ATP8B3: variants seen among roughly 807,000 people sequenced by gnomAD.
ATP8B3 encodes the protein phospholipid-transporting ATPase IK.
In ATP8B3, 141 loss-of-function variants were observed where a neutral mutation model predicts 140.9. That is an observed-to-expected ratio of 1.00 (90% CI 0.87 to 1.15). The LOEUF is 1.15. ATP8B3 is among the 50% of genes most tolerant of loss of function. ATP8B3 has a pLI of 0.00. For synonymous variants in ATP8B3, 765 were observed against 714.6 expected (o/e 1.07, Z -1.13); for missense variants, 1,874 against 1,740.6 (o/e 1.08, Z -1.36).
rs376570521 is a variant in ATP8B3, at chr19:1,800,299, T to C, written c.1303A>G (p.Ile435Val). Residue 435 changes from isoleucine (I) to valine (V), a missense_variant, in exon 13 of 29, where the codon ATC (isoleucine) becomes GTC (valine). By Grantham distance (29) the Ile-to-Val change is conservative (BLOSUM62 3). Around this residue, in one of 3 missense-constraint regions of ATP8B3, gnomAD observed 1,032 missense variants for 963.6 expected, o/e 1.07. Transcript: ENST00000310127. The surrounding 1 kb of genome is among the most constrained non-coding windows in gnomAD (Gnocchi z 4.4). ...ESFFVFWSFL[I>V]LLSVTIPMSM... ...ATCGGGATGGTGACGCTGAGCAGGATGAGGAAGCTCCAGAAGACGAAGAAG... is the reference window on the plus strand; with the variant it reads ...ATCGGGATGGTGACGCTGAGCAGGACGAGGAAGCTCCAGAAGACGAAGAAG... 2.5e-6 allele frequency: 4 copies of C among 1,612,552 alleles called. No individual in the cohort carries two copies. The highest frequency in any genetic ancestry group is 3.4e-6 in the Non-Finnish European group (4 of 1,179,806).
intron 25 of ATP8B3, among the ~76,000 whole-genome samples, chr19:1,785,924 A>G (rs887880936): frequency 6.6e-6 from 1 of 151,820 alleles, no homozygotes; most frequent in African/African-American, 2.4e-5. Context: ...TAAGGCCAGG[A>G]GTTTGAGACC....
intron 2 of ATP8B3, 22 bp from the exon 3 acceptor site, chr19:1,810,705 GGTCACAGCAGTGACCCCA>G: frequency 6.2e-7 from 1 of 1,607,954 alleles, no homozygotes; most frequent in Non-Finnish European, 8.5e-7. Context: ...AAGGGCCCCG[GGTCACAGCAGTGACCCCA>G]GCCCTTGCTG....
intron 12 of ATP8B3, 71 bp downstream of exon 12, chr19:1,801,885 C>T: frequency 8.3e-7 from 1 of 1,206,734 alleles, no homozygotes; most frequent in Non-Finnish European, 1.2e-6. Context: ...GAAACTGAGG[C>T]CTGGAAGATG....
chr19:1,788,576 G>T (rs532870537), intron 24 of ATP8B3, among the ~76,000 whole-genome samples: 1 of 152,314 alleles, frequency 6.6e-6, no homozygotes, highest in East Asian at 1.9e-4. Flanking sequence ...CTTGAACCCG[G>T]GAGGCGGAGG....
At chr19:1,792,654 G>A (rs2068550862) in intron 18 of ATP8B3, among the ~76,000 whole-genome samples, 2 of 151,200 alleles carry the variant, frequency 1.3e-5, no homozygotes, top group Admixed American at 6.6e-5. Flanking sequence ...GCTCACACCT[G>A]TAATCCCAGC....
At chr19:1,786,768 G>A (rs1176901675) in intron 25 of ATP8B3, among the ~76,000 whole-genome samples, 3 of 151,854 alleles carry the variant, frequency 2.0e-5, no homozygotes, top group Non-Finnish European at 2.9e-5. Flanking sequence ...ACGTAGCCAG[G>A]GCCTCTTGGA....
rs1568659348 is a variant in ATP8B3 at position 1,806,774 on chromosome 19, G to A, written c.616-85C>T. 3.5e-6 allele frequency: 5 copies of A among 1,424,796 alleles called. No individual in the cohort carries two copies. The African/African-American group carries it at 5.7e-5, about 16-fold the overall frequency. 88.3% of individuals were successfully genotyped at this position (1,424,796 alleles called of 1,614,324 possible). A position where few individuals can be genotyped will look rare whatever the true frequency, so the allele number is the denominator to read the frequency against. On this transcript the variant is annotated intron_variant, in intron 6 of 28. Coordinates refer to ENST00000310127, the MANE Select transcript of ATP8B3 (RefSeq NM_138813.4). This position sits in a 1 kb window ranked among gnomAD's most constrained non-coding sequence, Gnocchi z 5.6. ...CGCTGCCGCACTGCAGCCCAGCAGTGCCCGCCCGCAACACGGGGTCCCTGT... is the reference window on the plus strand; with the variant it reads ...CGCTGCCGCACTGCAGCCCAGCAGTACCCGCCCGCAACACGGGGTCCCTGT...
In ATP8B3 at chr19:1,784,959, C is replaced by T. The variant is rs371471335; in HGVS notation, c.3533-13G>A. The T allele has an allele frequency of 3.3e-5, 53 of 1,602,840 alleles. No individual in the cohort carries two copies. The highest frequency in any genetic ancestry group is 1.5e-4 in the Admixed American group (9 of 59,338). ...CTGAGGTCGGCATCTGGGGACAGGGCGGGGTCACAGCAGAGCCTACCCCCA... is the reference window on the plus strand; with the variant it reads ...CTGAGGTCGGCATCTGGGGACAGGGTGGGGTCACAGCAGAGCCTACCCCCA... On this transcript the variant is annotated splice_polypyrimidine_tract_variant and intron_variant, in intron 27 of 28. Coordinates refer to ENST00000310127, the MANE Select transcript of ATP8B3 (RefSeq NM_138813.4).
At chr19:1,808,744 G>T (rs1426839301) in intron 4 of ATP8B3, among the ~76,000 whole-genome samples, 5 of 152,248 alleles carry the variant, frequency 3.3e-5, no homozygotes, top group African/African-American at 1.2e-4. Context: ...GTAGGGCCGC[G>T]ATGGACACAT....
intron 18 of ATP8B3, 116 bp from the exon 19 acceptor site, chr19:1,792,251 C>G: frequency 1.6e-6 from 2 of 1,216,554 alleles, no homozygotes; most frequent in Non-Finnish European, 2.2e-6. Context: ...AAGCCTGTTG[C>G]CTCCCCAGCC....
intron 10 of ATP8B3, among the ~76,000 whole-genome samples, chr19:1,803,625 C>T (rs1046521165): frequency 3.3e-4 from 50 of 152,224 alleles, no homozygotes; most frequent in African/African-American, 1.2e-3. Context: ...CGGCCGGGTG[C>T]GGTGGCTATG....
intron 20 of ATP8B3, 55 bp from the exon 21 acceptor site, chr19:1,790,887 G>T: frequency 6.7e-7 from 1 of 1,496,528 alleles, no homozygotes. Flanking sequence ...TGGCTGCCTG[G>T]GGGCCACGCC....
At chr19:1,792,906 TTC>T (rs1210366846) in intron 18 of ATP8B3, among the ~76,000 whole-genome samples, 1 of 113,376 alleles carries the variant, frequency 8.8e-6, no homozygotes, top group Non-Finnish European at 1.8e-5. Context: ...CAGAGCAAGA[TTC>T]TGTTTCAAAA....
intron 24 of ATP8B3, among the ~76,000 whole-genome samples, 167 bp from the exon 25 acceptor site, chr19:1,787,353 C>A (rs2068338079): frequency 6.6e-6 from 1 of 151,916 alleles, no homozygotes; most frequent in African/African-American, 2.4e-5. Flanking sequence ...ATAAAGGCGG[C>A]AAGATAAAGG....
intron 28 of ATP8B3, among the ~76,000 whole-genome samples, chr19:1,784,000 T>G (rs115172884): frequency 3.4e-3 from 519 of 152,266 alleles, no homozygotes; most frequent in African/African-American, 0.011. Context: ...GCGCCTGGCC[T>G]TGAGCACATG....
Position 1,805,724 on chromosome 19 carries a change from C to A in ATP8B3, c.821+164G>T, listed in dbSNP as rs529488369. The stretch of plus-strand genomic sequence containing the variant: ...CAATGGGGAGGGTGGGCGTCTTCCT[C>A]CCCTCAGTGCCTGGCAGCACCCACG... On this transcript the variant is annotated intron_variant, in intron 9 of 28. Transcript: ENST00000310127. This position sits in a 1 kb window ranked among gnomAD's most constrained non-coding sequence, Gnocchi z 5.2. Among the ~76,000 whole-genome samples the A allele has an allele frequency of 1.1e-4, 16 of 152,244 alleles. No individual in the cohort carries two copies. The highest frequency in any genetic ancestry group is 5.2e-4 in the Admixed American group (8 of 15,282).
At position 1,785,642 on chromosome 19, in the gene ATP8B3, A is replaced by G; in HGVS notation, c.3220T>C (p.Phe1074Leu). 6.2e-7 allele frequency: 1 copy of G among 1,613,140 alleles called. No individual in the cohort carries two copies. The highest frequency in any genetic ancestry group is 1.1e-5 in the South Asian group (1 of 91,066). Residue 1074 changes from phenylalanine to leucine, a missense_variant, in exon 26 of 29, where the codon TTC (phenylalanine) becomes CTC (leucine). This residue lies in a region of ATP8B3 where 840 missense variants were observed against 760.9 expected (regional missense o/e 1.10). Transcript: ENST00000310127. Reference sequence around the variant, plus strand: ...GCTTGGACGAAGACCCAGTAGTTGAAGAGCTCGTCCTTCTGCCCCACCACG... The same window carrying G: ...GCTTGGACGAAGACCCAGTAGTTGAGGAGCTCGTCCTTCTGCCCCACCACG... ...LYVVGQKDEL[F>L]NYWVFVQAIA...
At chr19:1,810,820 C>T in intron 2 of ATP8B3, 137 bp from the exon 3 acceptor site, 1 of 764,030 alleles carries the variant, frequency 1.3e-6, no homozygotes, top group East Asian at 3.0e-5. Context: ...GCCTCCCCGC[C>T]AGGCTCTGAA....
At chr19:1,802,383 T>G in intron 11 of ATP8B3, 104 bp downstream of exon 11, 1 of 1,082,786 alleles carries the variant, frequency 9.2e-7, no homozygotes, top group Non-Finnish European at 1.2e-6. Flanking sequence ...GCACTCATCC[T>G]CTCACACATC....
Sources: gnomAD v4.1 joint callset for allele counts (sites outside exome capture counted in the v4.1 genomes callset) on GRCh38, gnomAD v4.1.1 for gene constraint, gnomAD v4.1.1 regional missense constraint, Gnocchi (gnomAD v3.1) non-coding constraint, MANE v1.5 for transcripts, NCBI Gene and HGNC (gene_info 2026-07-23, HGNC 2026-07-21) for gene names.